The following GNAQ variants were observed in gnomAD, a reference collection of about 807,000 sequenced individuals.
The protein encoded by GNAQ is guanine nucleotide-binding protein G(q) subunit alpha.
In GNAQ, 8 loss-of-function variants were observed where a neutral mutation model predicts 43.9. The observed-to-expected ratio is 0.18, with a 90% CI of 0.11 to 0.33. The LOEUF (loss-of-function observed/expected upper bound fraction) is 0.33, where lower values mean the gene tolerates loss of function less well. Ranked by LOEUF, GNAQ falls within the 10% of genes least tolerant of loss-of-function variation. The probability of loss-of-function intolerance (pLI) is 1.00; values close to 1 mark genes in which losing one functional copy is unlikely to be tolerated. For synonymous variants in GNAQ, 155 were observed against 170.7 expected, an observed-to-expected ratio of 0.91 and a Z score of 0.71; for missense variants, 158 against 450.8, an observed-to-expected ratio of 0.35 and a Z score of 5.88.
chr9:77,813,911 G>C (rs1274111281), intron 3 of GNAQ, among the ~76,000 whole-genome samples: 1 of 152,148 alleles, frequency 6.6e-6, no homozygotes, highest in Non-Finnish European at 1.5e-5. Flanking sequence ...AATGGAGGAT[G>C]AGTTAGTTTT....
chr9:77,727,878 G>T (rs1015983228), intron 6 of GNAQ, among the ~76,000 whole-genome samples: 1 of 152,196 alleles, frequency 6.6e-6, no homozygotes. Context: ...AGGAGAGGCA[G>T]AGGTGGACGG....
intron 5 of GNAQ, among the ~76,000 whole-genome samples, chr9:77,786,474 A>G (rs187143548): frequency 5.0e-4 from 76 of 152,296 alleles, no homozygotes; most frequent in African/African-American, 1.8e-3. Flanking sequence ...ACAGGTCTAG[A>G]GAAGTGGGCC....
At chr9:77,917,004 G>A (rs1371058437) in intron 2 of GNAQ, among the ~76,000 whole-genome samples, 1 of 152,132 alleles carries the variant, frequency 6.6e-6, no homozygotes, top group African/African-American at 2.4e-5. Flanking sequence ...TCCGCTATCT[G>A]GAGTAATTCA....
intron 1 of GNAQ, among the ~76,000 whole-genome samples, chr9:77,949,437 G>A (rs1822947224): frequency 6.6e-6 from 1 of 152,182 alleles, no homozygotes; most frequent in South Asian, 2.1e-4. Flanking sequence ...AGGGGCTTTG[G>A]AATACTCCTG....
chr9:78,005,034 G>C (rs759613238), intron 1 of GNAQ, among the ~76,000 whole-genome samples: 26 of 152,058 alleles, frequency 1.7e-4, no homozygotes, highest in Admixed American at 9.8e-4. Flanking sequence ...TTAATGGTTT[G>C]GAGAGATGAC....
intron 2 of GNAQ, among the ~76,000 whole-genome samples, chr9:77,905,193 T>C (rs1035486924): frequency 6.6e-6 from 1 of 152,210 alleles, no homozygotes; most frequent in Non-Finnish European, 1.5e-5. Context: ...AGTTATCAGA[T>C]ATACTTAAAA....
rs529304183 is a variant in GNAQ at position 77,940,244 on chromosome 9, T to C, written c.137-17899A>G. Among the ~76,000 whole-genome samples the C allele has an allele frequency of 2.6e-5, 4 of 152,200 alleles. No homozygotes were observed. The East Asian group carries it at 7.7e-4, about 29-fold the overall frequency. ...TATCCCTTATAGTGCATATTACAGA[T>C]TATAAAAAGTGTATGAACTCCCATA... On this transcript the variant is annotated intron_variant, in intron 1 of 6. Coordinates refer to ENST00000286548, the MANE Select transcript of GNAQ (RefSeq NM_002072.5).
At chr9:77,721,641 A>T in intron 6 of GNAQ, 128 bp from the exon 7 acceptor site, 1 of 649,750 alleles carries the variant, frequency 1.5e-6, no homozygotes, top group Non-Finnish European at 2.7e-6. Flanking sequence ...TTGATCTGTT[A>T]TAATCATTTT....
chr9:78,025,620 C>T (rs1333128814), intron 1 of GNAQ, among the ~76,000 whole-genome samples: 1 of 152,182 alleles, frequency 6.6e-6, no homozygotes, highest in Non-Finnish European at 1.5e-5. Context: ...GTATTTTCCT[C>T]AACCCAATAC....
chr9:77,922,949 C>T (rs1341252013), intron 1 of GNAQ, among the ~76,000 whole-genome samples: 1 of 152,034 alleles, frequency 6.6e-6, no homozygotes, highest in Non-Finnish European at 1.5e-5. Flanking sequence ...ATCTGAGTCT[C>T]TTGATCCTCC....
intron 1 of GNAQ, 137 bp downstream of exon 1, chr9:78,030,963 G>A (rs1824049350): frequency 4.3e-6 from 2 of 466,952 alleles, no homozygotes; most frequent in African/African-American, 4.1e-5. Flanking sequence ...TGAAGGCAGT[G>A]GCCGGGGGCG....
intron 5 of GNAQ, among the ~76,000 whole-genome samples, chr9:77,777,600 CTA>C (rs1197664372): frequency 2.6e-5 from 4 of 151,890 alleles, no homozygotes. Context: ...TGATAAAAGT[CTA>C]GTCTCCTTTA....
chr9:77,933,640 C>CA (rs56939865), intron 1 of GNAQ, among the ~76,000 whole-genome samples: 86,092 of 147,640 alleles, frequency 0.58, 26,502 homozygotes, highest in South Asian at 0.73. Context: ...GACCCTGTCT[C>CA]AAAAAAAAAA....
chr9:77,911,585 T>C (rs1363055192), intron 2 of GNAQ, among the ~76,000 whole-genome samples: 2 of 152,152 alleles, frequency 1.3e-5, no homozygotes, highest in Non-Finnish European at 1.5e-5. Context: ...CTACTCCCAA[T>C]AGCTTGAGAT....
chr9:77,824,542 G>A (rs1827165242), intron 2 of GNAQ, among the ~76,000 whole-genome samples: 1 of 152,096 alleles, frequency 6.6e-6, no homozygotes, highest in Admixed American at 6.6e-5. Context: ...ACTATTCTAA[G>A]AATATTTCTG....
chr9:77,840,973 T>C (rs1002710523), intron 2 of GNAQ, among the ~76,000 whole-genome samples: 1 of 151,976 alleles, frequency 6.6e-6, no homozygotes, highest in Non-Finnish European at 1.5e-5. Context: ...GAGTATTAAC[T>C]GGACTCTGGG....
intron 1 of GNAQ, among the ~76,000 whole-genome samples, chr9:77,978,466 T>C (rs1281230802): frequency 6.6e-6 from 1 of 152,228 alleles, no homozygotes; most frequent in East Asian, 1.9e-4. Flanking sequence ...CTCAGGCTTC[T>C]GTCTGCTCTT....
intron 2 of GNAQ, among the ~76,000 whole-genome samples, chr9:77,882,336 A>G (rs994519965): frequency 2.6e-5 from 4 of 152,190 alleles, no homozygotes; most frequent in East Asian, 1.9e-4. Context: ...TTGTATTTAA[A>G]TAACCCAAAT....
intron 1 of GNAQ, among the ~76,000 whole-genome samples, chr9:77,971,282 G>A (rs974554659): frequency 6.6e-6 from 1 of 152,272 alleles, no homozygotes; most frequent in East Asian, 1.9e-4. Flanking sequence ...CATTTTATGA[G>A]GCCAGCATCA....
Sources: gnomAD v4.1 joint callset for allele counts (sites outside exome capture counted in the v4.1 genomes callset) on GRCh38, gnomAD v4.1.1 for gene constraint, MANE v1.5 for transcripts, NCBI Gene and HGNC (gene_info 2026-07-23, HGNC 2026-07-21) for gene names.